Variants in KIRREL3 observed in about 807,000 individuals in gnomAD.
KIRREL3 encodes kirre like nephrin family adhesion molecule 3, also known as kin of IRRE-like protein 3.
In KIRREL3, 36 loss-of-function variants were observed where a neutral mutation model predicts 89.7. That is an observed-to-expected ratio of 0.40 (90% CI 0.31 to 0.53). The LOEUF is 0.53. Among genes scored for constraint, KIRREL3 ranks in the 20% least tolerant of loss-of-function variants. KIRREL3 has a pLI of 0.49. For synonymous variants in KIRREL3, 445 were observed against 441.4 expected, an observed-to-expected ratio of 1.01 and a Z score of -0.10; for missense variants, 864 against 1,056.6, an observed-to-expected ratio of 0.82 and a Z score of 2.53.
At chr11:126,626,834 C>CA (rs1943807079) in intron 1 of KIRREL3, among the ~76,000 whole-genome samples, 1 of 152,056 alleles carries the variant, frequency 6.6e-6, no homozygotes, top group African/African-American at 2.4e-5. Context: ...TGTTTCACCC[C>CA]ATGTTTCTAC....
At chr11:126,589,518 C>T (rs532104024) in intron 1 of KIRREL3, among the ~76,000 whole-genome samples, 60 of 152,294 alleles carry the variant, frequency 3.9e-4, no homozygotes, top group Admixed American at 6.5e-4. Context: ...TAAGTTTTTT[C>T]CCCTTGGTCT....
chr11:126,556,303 G>T (rs1349569434), intron 2 of KIRREL3, among the ~76,000 whole-genome samples: 2 of 152,054 alleles, frequency 1.3e-5, no homozygotes, highest in Non-Finnish European at 2.9e-5. Flanking sequence ...ACATCCCTAG[G>T]ACTTGCTGAG....
rs770469465 is a variant in KIRREL3 at position 126,531,769 on chromosome 11, G to A, written c.134-5082C>T. Among the ~76,000 whole-genome samples the A allele has an allele frequency of 1.3e-5, 2 of 152,152 alleles. No individual in the cohort carries two copies. The highest frequency in any genetic ancestry group is 2.9e-5 in the Non-Finnish European group (2 of 68,032). On this transcript the variant is annotated intron_variant, in intron 2 of 16. Coordinates refer to ENST00000525144, the MANE Select transcript of KIRREL3 (RefSeq NM_032531.4). The surrounding 1 kb of genome is among the most constrained non-coding windows in gnomAD (Gnocchi z 4.7). Reference sequence around the variant, plus strand: ...CAGATGCTGATGAAACAGAAATAAGGAAGAAACAGTGTACACTTCTTGAGG... The same window carrying A: ...CAGATGCTGATGAAACAGAAATAAGAAAGAAACAGTGTACACTTCTTGAGG...
intron 4 of KIRREL3, among the ~76,000 whole-genome samples, chr11:126,504,089 A>G (rs1454924205): frequency 6.6e-6 from 1 of 152,206 alleles, no homozygotes; most frequent in Non-Finnish European, 1.5e-5. Context: ...CACTCCCCAG[A>G]AATGTGCACA....
chr11:126,853,634 C>T (rs989979755), intron 1 of KIRREL3, among the ~76,000 whole-genome samples: 2 of 152,272 alleles, frequency 1.3e-5, no homozygotes, highest in South Asian at 4.2e-4. Flanking sequence ...GACAGCTCTT[C>T]ATATTCACCC....
chr11:126,630,575 G>C (rs946507918), intron 1 of KIRREL3, among the ~76,000 whole-genome samples: 1 of 152,138 alleles, frequency 6.6e-6, no homozygotes, highest in African/African-American at 2.4e-5. Flanking sequence ...TGTCAGTCAA[G>C]CTCTCAGGCT....
In KIRREL3 at chr11:126,639,380, G is replaced by A. The variant is rs547774221; in HGVS notation, c.56-76468C>T. On this transcript the variant is annotated intron_variant, in intron 1 of 16. Transcript: ENST00000525144. The surrounding 1 kb of genome is among the most constrained non-coding windows in gnomAD (Gnocchi z 4.3). Reference sequence around the variant, plus strand: ...CCTCTGGGTAAGCAAAAGGAAAAACGTTCCTTTGCTTTACCAAACCTCATT... The same window carrying A: ...CCTCTGGGTAAGCAAAAGGAAAAACATTCCTTTGCTTTACCAAACCTCATT... Among the ~76,000 whole-genome samples the A allele has an allele frequency of 3.2e-4, 49 of 152,318 alleles. No individual in the cohort carries two copies. Among genetic ancestry groups the A allele is most frequent in the Middle Eastern group, 3.4e-3 (1 of 294 alleles).
intron 8 of KIRREL3, among the ~76,000 whole-genome samples, chr11:126,448,560 G>A (rs1457052535): frequency 6.6e-6 from 1 of 152,236 alleles, no homozygotes; most frequent in African/African-American, 2.4e-5. Context: ...AGTAGGAGGA[G>A]GAGCTTTGCA....
rs775240672 is a variant in KIRREL3, at chr11:126,709,702, G to A, written c.56-146790C>T. ...CATCTATAAGCCAAGGGGAGGCCTC[G>A]GGAGAAACCAACCCTGTAGACACCT... On this transcript the variant is annotated intron_variant, in intron 1 of 16. Transcript: ENST00000525144. This position sits in a 1 kb window ranked among gnomAD's most constrained non-coding sequence, Gnocchi z 4.0. 9.2e-5 allele frequency among the ~76,000 whole-genome samples: 14 copies of A among 152,136 alleles called. No homozygotes were observed. Among genetic ancestry groups the A allele is most frequent in the Non-Finnish European group, 1.8e-4 (12 of 68,032 alleles).
In KIRREL3 at chr11:126,692,872, G is replaced by C. The variant is rs148361554; in HGVS notation, c.56-129960C>G. On this transcript the variant is annotated intron_variant, in intron 1 of 16. Transcript: ENST00000525144. ...CTTGGATCTACCCGCTTTGCAATGT[G>C]ACTCTGCAGCTCTTCCCACCAACAG... 2.6e-5 allele frequency among the ~76,000 whole-genome samples: 4 copies of C among 152,318 alleles called. No individual in the cohort carries two copies. In the East Asian group the frequency reaches 7.7e-4, roughly 29 times the overall value.
Position 126,463,286 on chromosome 11 carries a change from G to T in KIRREL3, c.613C>A (p.Arg205=). The T allele has an allele frequency of 1.2e-6, 2 of 1,613,420 alleles. No individual in the cohort carries two copies. The highest frequency in any genetic ancestry group is 1.7e-6 in the Non-Finnish European group (2 of 1,179,526). The change falls in exon 6 of 17, where the codon CGG becomes AGG. Residue 205 remains arginine, a synonymous_variant. Coordinates refer to ENST00000525144, the MANE Select transcript of KIRREL3 (RefSeq NM_032531.4). The surrounding 1 kb of genome is among the most constrained non-coding windows in gnomAD (Gnocchi z 5.9). ...AAGAGGGTGCTGACGATGCTCTCCC[G>T]CTTGCCGTCCCGAAGCAGGGTCTTG... The part of the protein sequence containing the change: ...YSKTLLRDGK[R]ESIVSTLFIS...
chr11:126,549,608 G>A (rs572719631), intron 2 of KIRREL3: 1 of 152,302 alleles, frequency 6.6e-6, no homozygotes, highest in African/African-American at 2.4e-5. Flanking sequence ...GGCTGGGGGA[G>A]GGTCTCAGCA....
At chr11:126,540,018 A>C (rs552640) in intron 2 of KIRREL3, among the ~76,000 whole-genome samples, 92,197 of 152,122 alleles carry the variant, frequency 0.61, 28,514 homozygotes, top group East Asian at 0.95. Context: ...GTTTTGAACC[A>C]TATCGGGATG....
intron 1 of KIRREL3, among the ~76,000 whole-genome samples, chr11:126,800,575 A>G (rs753784129): frequency 7.9e-5 from 12 of 152,214 alleles, no homozygotes; most frequent in Non-Finnish European, 1.5e-4. Flanking sequence ...AAAAAGTGCT[A>G]GGATTCTCAA....
chr11:126,488,678 G>T (rs1015141188), intron 4 of KIRREL3, among the ~76,000 whole-genome samples: 1 of 152,226 alleles, frequency 6.6e-6, no homozygotes. Context: ...TGGAGGCTCC[G>T]TGAGCTGGAG....
At chr11:126,799,293 T>G (rs1000861309) in intron 1 of KIRREL3, among the ~76,000 whole-genome samples, 1 of 143,606 alleles carries the variant, frequency 7.0e-6, no homozygotes, top group South Asian at 2.3e-4. Context: ...CATGTGTGTA[T>G]CTGTACGTGT....
At position 126,455,045 on chromosome 11, in the gene KIRREL3, G is replaced by A. The variant is rs926814961; in HGVS notation, c.848+1304C>T. Among the ~76,000 whole-genome samples the A allele has an allele frequency of 1.3e-5, 2 of 152,184 alleles. No individual in the cohort carries two copies. The highest frequency in any genetic ancestry group is 2.9e-5 in the Non-Finnish European group (2 of 68,032). On this transcript the variant is annotated intron_variant, in intron 7 of 16. Transcript: ENST00000525144. This position sits in a 1 kb window ranked among gnomAD's most constrained non-coding sequence, Gnocchi z 6.4. ...CCATTCTGCCCACGGGGGCCACACT[G>A]GCTCTTGTCTTCCCTGTTCTCCATT...
chr11:126,669,107 C>T lies in KIRREL3; in HGVS notation c.56-106195G>A, dbSNP rs1945820079. ...GAGCTAATCAAAGGATTTCTGGCTC[C>T]CAACTTGTCTGCTCTTTGTTTTGTT... On this transcript the variant is annotated intron_variant, in intron 1 of 16. Coordinates refer to ENST00000525144, the MANE Select transcript of KIRREL3 (RefSeq NM_032531.4). The surrounding 1 kb of genome is among the most constrained non-coding windows in gnomAD (Gnocchi z 5.0). Among the ~76,000 whole-genome samples, 1 of 152,098 alleles carries T rather than the reference C, an allele frequency of 6.6e-6. No individual in the cohort carries two copies. The highest frequency in any genetic ancestry group is 1.5e-5 in the Non-Finnish European group (1 of 68,020).
Position 126,709,425 on chromosome 11 carries a change from A to G in KIRREL3, c.56-146513T>C, listed in dbSNP as rs1947669045. On this transcript the variant is annotated intron_variant, in intron 1 of 16. Coordinates refer to ENST00000525144, the MANE Select transcript of KIRREL3 (RefSeq NM_032531.4). This position sits in a 1 kb window ranked among gnomAD's most constrained non-coding sequence, Gnocchi z 4.0. ...GAGTTCACACCTAACTGGCTAAAGTACAGGCAAACACCTGCTAATGAGTGG... is the reference window on the plus strand; with the variant it reads ...GAGTTCACACCTAACTGGCTAAAGTGCAGGCAAACACCTGCTAATGAGTGG... 6.6e-6 allele frequency among the ~76,000 whole-genome samples: 1 copy of G among 152,208 alleles called. No individual in the cohort carries two copies. The highest frequency in any genetic ancestry group is 2.1e-4 in the South Asian group (1 of 4,832).
Sources: allele counts gnomAD v4.1 joint callset (sites outside exome capture counted in the v4.1 genomes callset), GRCh38; gene constraint gnomAD v4.1.1; non-coding constraint Gnocchi (gnomAD v3.1); transcripts MANE v1.5; gene names NCBI Gene and HGNC (gene_info 2026-07-23, HGNC 2026-07-21).